The following SPEF2 variants were observed in gnomAD, a reference collection of about 807,000 sequenced individuals.
The protein encoded by SPEF2 is sperm flagella and cilia-associated protein 2.
Under a neutral mutation model 224.6 loss-of-function variants are expected in SPEF2, and 187 were observed. The ratio of observed to expected loss-of-function variants is 0.83; its 90% confidence interval spans 0.74 to 0.94. SPEF2 has a LOEUF of 0.94. Ranked by LOEUF, SPEF2 falls within the 40% of genes least tolerant of loss-of-function variation. The pLI is 0.00. For missense variants in SPEF2, 2,170 were observed against 2,135.6 expected (o/e 1.02, Z -0.32); for synonymous variants, 715 against 707.3 (o/e 1.01, Z -0.17).
intron 26 of SPEF2, among the ~76,000 whole-genome samples, chr5:35,770,676 T>C (rs1294494225): frequency 3.9e-5 from 6 of 152,168 alleles, no homozygotes; most frequent in Admixed American, 3.9e-4. Context: ...TGTGTTGTCA[T>C]GGGACAAGGT....
At chr5:35,758,026 G>A (rs1750695738) in intron 24 of SPEF2, among the ~76,000 whole-genome samples, 1 of 152,032 alleles carries the variant, frequency 6.6e-6, no homozygotes, top group African/African-American at 2.4e-5. Context: ...AACTGTTCTT[G>A]TCTTTTGTTG....
chr5:35,809,366 C>A (rs560656401), intron 36 of SPEF2, among the ~76,000 whole-genome samples: 2 of 152,190 alleles, frequency 1.3e-5, no homozygotes, highest in South Asian at 4.1e-4. Context: ...CAACCAAGTG[C>A]AAAATTATAG....
intron 30 of SPEF2, chr5:35,790,507 G>A (rs969352660): frequency 4.8e-6 from 2 of 419,300 alleles, no homozygotes; most frequent in East Asian, 7.0e-5. Flanking sequence ...TCAAACAAAA[G>A]GCATTTGGCT....
chr5:35,796,998 A>G (rs556487645), intron 33 of SPEF2, among the ~76,000 whole-genome samples: 1 of 152,290 alleles, frequency 6.6e-6, no homozygotes, highest in East Asian at 1.9e-4. Context: ...AATGGTCTGT[A>G]TATGCTTTTA....
chr5:35,760,777 G>A (rs1751173718), intron 25 of SPEF2, among the ~76,000 whole-genome samples: 1 of 152,150 alleles, frequency 6.6e-6, no homozygotes, highest in South Asian at 2.1e-4. Flanking sequence ...TGGGAGTTAG[G>A]AGTGGTGGTG....
At chr5:35,763,807 G>GC in intron 26 of SPEF2, 105 bp downstream of exon 26, 1 of 1,051,252 alleles carries the variant, frequency 9.5e-7, no homozygotes, top group Non-Finnish European at 1.3e-6. Flanking sequence ...CTCAAGCACT[G>GC]TAGAAAATTG....
intron 1 of SPEF2, among the ~76,000 whole-genome samples, chr5:35,619,175 C>A (rs1350599313): frequency 6.6e-6 from 1 of 152,192 alleles, no homozygotes; most frequent in Non-Finnish European, 1.5e-5. Context: ...GCAATAAATT[C>A]TTTCCTGGTA....
chr5:35,734,700 CTTTTT>C (rs1561280071), intron 21 of SPEF2, among the ~76,000 whole-genome samples: 9 of 29,378 alleles, frequency 3.1e-4, no homozygotes, highest in Admixed American at 1.0e-3. Flanking sequence ...GAATTGCTTT[CTTTTT>C]TTTCTTTTTT....
chr5:35,679,055 TA>T (rs991675148), intron 10 of SPEF2, among the ~76,000 whole-genome samples: 1 of 152,222 alleles, frequency 6.6e-6, no homozygotes, highest in Non-Finnish European at 1.5e-5. Flanking sequence ...ACAGAGGCTC[TA>T]AAAGTTAAAG....
rs540883673 is a variant in SPEF2 at position 35,634,083 on chromosome 5, GT to G, written c.161+5523del. On this transcript the variant is annotated intron_variant, in intron 2 of 36. Transcript: ENST00000356031. The stretch of plus-strand genomic sequence containing the variant: ...AAAATATATTTAAACTATTTTTTAT[GT>G]TACTCTATGTAGTTACTTCTACTGA... 6.6e-3 allele frequency among the ~76,000 whole-genome samples: 1,011 copies of G among 152,062 alleles called. 9 individuals are homozygous for G. Among genetic ancestry groups the G allele is most frequent in the African/African-American group, 0.023 (960 of 41,512 alleles).
At chr5:35,677,308 T>A (rs1053068735) in intron 10 of SPEF2, among the ~76,000 whole-genome samples, 1 of 152,164 alleles carries the variant, frequency 6.6e-6, no homozygotes, top group Non-Finnish European at 1.5e-5. Flanking sequence ...AAAGTGATCC[T>A]GAGGTAGGCT....
intron 25 of SPEF2, among the ~76,000 whole-genome samples, chr5:35,762,916 C>G (rs1025543938): frequency 6.6e-5 from 10 of 152,166 alleles, no homozygotes; most frequent in Admixed American, 6.5e-5. Flanking sequence ...AAAGAGAAAA[C>G]CTTTGTGGGG....
chr5:35,719,037 T>C (rs1190878532), intron 20 of SPEF2, among the ~76,000 whole-genome samples: 2 of 152,220 alleles, frequency 1.3e-5, no homozygotes, highest in Non-Finnish European at 2.9e-5. Flanking sequence ...TGGCTTTGGT[T>C]AGCTGCCTTG....
At chr5:35,741,581 G>A (rs367685145) in intron 23 of SPEF2, among the ~76,000 whole-genome samples, 2 of 152,170 alleles carry the variant, frequency 1.3e-5, no homozygotes, top group Non-Finnish European at 2.9e-5. Flanking sequence ...GAGACAGGAA[G>A]CATTGCTATC....
chr5:35,742,491 C>T (rs1280290483), intron 23 of SPEF2, among the ~76,000 whole-genome samples: 1 of 151,962 alleles, frequency 6.6e-6, no homozygotes, highest in Admixed American at 6.5e-5. Context: ...TTAAATTATA[C>T]AAATATTTTA....
chr5:35,663,180 G>T (rs1262454893), intron 8 of SPEF2, among the ~76,000 whole-genome samples: 1 of 151,988 alleles, frequency 6.6e-6, no homozygotes, highest in Non-Finnish European at 1.5e-5. Context: ...TTAACAGATT[G>T]CTCAAAGCTT....
Position 35,759,623 on chromosome 5 carries a change from G to A in SPEF2, c.3524G>A (p.Gly1175Glu), listed in dbSNP as rs377215700. Residue 1175 changes from glycine (G) to glutamate (E), a missense_variant, in exon 25 of 37, where the codon GGA becomes GAA. By Grantham distance (98) the Gly-to-Glu change is moderately conservative (BLOSUM62 -2). Transcript: ENST00000356031. ...TKRLLQDYYWGMESKIPVEDN... is the reference protein window; with the variant it reads ...TKRLLQDYYWEMESKIPVEDN... The stretch of plus-strand genomic sequence containing the variant: ...AGACTCCTTCAAGATTATTACTGGG[G>A]AATGGAAAGTAAAATCCCAGTAGAG... 1.9e-6 allele frequency: 3 copies of A among 1,611,846 alleles called. No homozygotes were observed. The highest frequency in any genetic ancestry group is 2.5e-6 in the Non-Finnish European group (3 of 1,178,528).
intron 2 of SPEF2, among the ~76,000 whole-genome samples, chr5:35,638,028 A>G (rs933855211): frequency 5.9e-5 from 9 of 152,150 alleles, no homozygotes; most frequent in African/African-American, 2.2e-4. Flanking sequence ...TTTAATTTTT[A>G]TAACACTGAT....
At chr5:35,782,450 T>A (rs997197285) in intron 30 of SPEF2, among the ~76,000 whole-genome samples, 1 of 152,186 alleles carries the variant, frequency 6.6e-6, no homozygotes, top group Non-Finnish European at 1.5e-5. Flanking sequence ...ACAGATGGAT[T>A]TTTTTGGGAG....
Sources: allele counts gnomAD v4.1 joint callset (sites outside exome capture counted in the v4.1 genomes callset), GRCh38; gene constraint gnomAD v4.1.1; transcripts MANE v1.5; gene names NCBI Gene and HGNC (gene_info 2026-07-23, HGNC 2026-07-21).